Variants in GPR158 observed in about 807,000 individuals in gnomAD.
GPR158 encodes metabotropic glycine receptor.
GPR158 carries 30 observed loss-of-function variants against 78.2 expected under a neutral mutation model. That is an observed-to-expected ratio of 0.38 (90% CI 0.29 to 0.52). The LOEUF (loss-of-function observed/expected upper bound fraction) is 0.52, where lower values mean the gene tolerates loss of function less well. Ranked by LOEUF, GPR158 falls within the 20% of genes least tolerant of loss-of-function variation. GPR158 has a pLI of 0.83. For missense variants in GPR158, 1,463 were observed against 1,523.5 expected, an observed-to-expected ratio of 0.96 and a Z score of 0.66; for synonymous variants, 581 against 591.1, an observed-to-expected ratio of 0.98 and a Z score of 0.25.
intron 5 of GPR158, among the ~76,000 whole-genome samples, chr10:25,479,477 G>A (rs1427498183): frequency 6.6e-6 from 1 of 152,050 alleles, no homozygotes; most frequent in South Asian, 2.1e-4. Flanking sequence ...GTGCAGTGGT[G>A]CGATCTTGCT....
chr10:25,462,355 A>G (rs567176009), intron 4 of GPR158, among the ~76,000 whole-genome samples: 200 of 152,352 alleles, frequency 1.3e-3, no homozygotes, highest in Non-Finnish European at 2.1e-3. Context: ...GACAATGCAC[A>G]TAGTCACCCA....
chr10:25,298,565 A>G (rs1854548660), intron 2 of GPR158, among the ~76,000 whole-genome samples: 2 of 152,162 alleles, frequency 1.3e-5, no homozygotes. Context: ...CTTAAGGCAC[A>G]TTTTTATCTT....
At chr10:25,557,564 G>A (rs1019434043) in intron 6 of GPR158, among the ~76,000 whole-genome samples, 2 of 152,184 alleles carry the variant, frequency 1.3e-5, no homozygotes, top group Non-Finnish European at 2.9e-5. Context: ...TGATCCTACT[G>A]TCCTGTCCGG....
chr10:25,225,553 A>G lies in GPR158; in HGVS notation c.1008+4396A>G, dbSNP rs950854680. Among the ~76,000 whole-genome samples, 4 of 152,146 alleles carry G rather than the reference A, an allele frequency of 2.6e-5. No homozygotes were observed. In the East Asian group the frequency reaches 5.8e-4, roughly 22 times the overall value. The stretch of plus-strand genomic sequence containing the variant: ...GCATTAACATTAATCCAAGTCCTAC[A>G]TAAAACAAGGCTTAACAGCTTATGT... On this transcript the variant is annotated intron_variant, in intron 2 of 10. Coordinates refer to ENST00000376351, the MANE Select transcript of GPR158 (RefSeq NM_020752.3).
At chr10:25,214,698 G>A (rs1853182128) in intron 1 of GPR158, among the ~76,000 whole-genome samples, 1 of 151,900 alleles carries the variant, frequency 6.6e-6, no homozygotes, top group South Asian at 2.1e-4. Context: ...GTTAAAATGA[G>A]GTCATTTAGG....
At chr10:25,491,266 C>CTGG (rs1588885648) in intron 5 of GPR158, among the ~76,000 whole-genome samples, 1 of 152,112 alleles carries the variant, frequency 6.6e-6, no homozygotes, top group East Asian at 1.9e-4. Flanking sequence ...AGTTAAAGAG[C>CTGG]CATATGTCTA....
chr10:25,470,910 G>A (rs1564464259), intron 5 of GPR158, among the ~76,000 whole-genome samples: 1 of 151,898 alleles, frequency 6.6e-6, no homozygotes, highest in East Asian at 1.9e-4. Context: ...AGTAGCCAGA[G>A]GGATTTAAAA....
At chr10:25,395,756 T>G (rs7080679) in intron 2 of GPR158, among the ~76,000 whole-genome samples, 155 bp from the exon 3 acceptor site, 3,476 of 152,310 alleles carry the variant, frequency 0.023, 62 homozygotes, top group Non-Finnish European at 0.034. Flanking sequence ...AAAAAATTGT[T>G]GGCACAACAA....
chr10:25,536,450 G>A (rs1836502578), intron 5 of GPR158, among the ~76,000 whole-genome samples: 1 of 152,102 alleles, frequency 6.6e-6, no homozygotes, highest in South Asian at 2.1e-4. Flanking sequence ...CAAGTATTTT[G>A]TATTCTGAAT....
At chr10:25,510,236 G>T (rs1293135845) in intron 5 of GPR158, among the ~76,000 whole-genome samples, 1 of 152,168 alleles carries the variant, frequency 6.6e-6, no homozygotes, top group Non-Finnish European at 1.5e-5. Flanking sequence ...TAATGAAGAA[G>T]AATAATTTTG....
At chr10:25,201,407 A>G (rs1483290349) in intron 1 of GPR158, among the ~76,000 whole-genome samples, 1 of 152,146 alleles carries the variant, frequency 6.6e-6, no homozygotes, top group Non-Finnish European at 1.5e-5. Flanking sequence ...GGCAGAGATT[A>G]CAGAGTTTTC....
chr10:25,224,267 T>G (rs1452800172), intron 2 of GPR158, among the ~76,000 whole-genome samples: 2 of 152,130 alleles, frequency 1.3e-5, no homozygotes, highest in East Asian at 3.9e-4. Flanking sequence ...TTGTTTGAAG[T>G]GTAAAAAAAC....
intron 2 of GPR158, among the ~76,000 whole-genome samples, chr10:25,270,377 G>A (rs955763906): frequency 7.9e-5 from 12 of 151,982 alleles, no homozygotes; most frequent in African/African-American, 2.2e-4. Flanking sequence ...AAGTAGAGCT[G>A]GTATAGTTGA....
At chr10:25,210,154 T>G (rs1163990493) in intron 1 of GPR158, among the ~76,000 whole-genome samples, 1 of 152,248 alleles carries the variant, frequency 6.6e-6, no homozygotes. Flanking sequence ...CCACCCCATT[T>G]ACAACTAGCC....
At chr10:25,358,795 T>G (rs560373194) in intron 2 of GPR158, among the ~76,000 whole-genome samples, 30 of 152,244 alleles carry the variant, frequency 2.0e-4, no homozygotes, top group African/African-American at 7.2e-4. Context: ...AGAAATTTAT[T>G]TCTAATTTCA....
intron 5 of GPR158, among the ~76,000 whole-genome samples, chr10:25,526,653 G>T (rs1836350564): frequency 6.6e-6 from 1 of 152,198 alleles, no homozygotes; most frequent in Non-Finnish European, 1.5e-5. Context: ...GGATAAACTT[G>T]GAAAGAGGCT....
intron 6 of GPR158, among the ~76,000 whole-genome samples, chr10:25,555,576 G>A (rs1011813653): frequency 1.3e-5 from 2 of 152,048 alleles, no homozygotes; most frequent in Non-Finnish European, 2.9e-5. Context: ...GTATCTCTAC[G>A]CTCAGAATAG....
intron 5 of GPR158, among the ~76,000 whole-genome samples, chr10:25,522,354 A>G (rs992128347): frequency 2.0e-5 from 3 of 152,190 alleles, no homozygotes; most frequent in Admixed American, 2.0e-4. Flanking sequence ...AGCTCTGGAC[A>G]TCCATCTGAG....
intron 4 of GPR158, among the ~76,000 whole-genome samples, chr10:25,427,621 G>A (rs571189481): frequency 1.8e-4 from 28 of 151,882 alleles, no homozygotes; most frequent in African/African-American, 4.3e-4. Flanking sequence ...AATGAGAGTG[G>A]ACTGGCACTT....
Sources: gnomAD v4.1 joint callset for allele counts (sites outside exome capture counted in the v4.1 genomes callset) on GRCh38, gnomAD v4.1.1 for gene constraint, MANE v1.5 for transcripts, NCBI Gene and HGNC (gene_info 2026-07-23, HGNC 2026-07-21) for gene names.